ZYG11B: variants seen among roughly 807,000 people sequenced by gnomAD.
ZYG11B encodes the protein zyg-11 family member B, cell cycle regulator, also known as protein zyg-11 homolog B.
Under a neutral mutation model 82.4 loss-of-function variants are expected in ZYG11B, and 36 were observed. The observed-to-expected ratio is 0.44, with a 90% confidence interval of 0.33 to 0.58. The LOEUF is 0.58. Among genes scored for constraint, ZYG11B ranks in the 20% least tolerant of loss-of-function variants. ZYG11B has a pLI of 0.02. For missense variants in ZYG11B, 552 were observed against 895.6 expected, an observed-to-expected ratio of 0.62 and a Z score of 4.90; for synonymous variants, 303 against 312.8, an observed-to-expected ratio of 0.97 and a Z score of 0.33.
rs371586578 is a variant in ZYG11B, at chr1:52,779,990, A to T, written c.1089A>T (p.Leu363Phe). ...HVMEKTKPEI[L>F]KLVVTGMRNH... ...TGGAAAAAACAAAGCCAGAAATTTTAAAGGTAAGAATAAGAAACTGGATAT... is the reference window on the plus strand; with the variant it reads ...TGGAAAAAACAAAGCCAGAAATTTTTAAGGTAAGAATAAGAAACTGGATAT... The change falls in exon 4 of 14, where the codon TTA (leucine) becomes TTT (phenylalanine). Residue 363 changes from leucine (L) to phenylalanine (F), a missense_variant. Physicochemically the swap from Leu to Phe is conservative, Grantham distance 22. This residue lies in a region of ZYG11B where 359 missense variants were observed against 555.8 expected (regional missense o/e 0.65). Transcript: ENST00000294353. The T allele has an allele frequency of 8.7e-6, 14 of 1,613,200 alleles. No individual in the cohort carries two copies. The highest frequency in any genetic ancestry group is 1.3e-5 in the African/African-American group (1 of 74,858).
At position 52,784,988 on chromosome 1, in the gene ZYG11B, C is replaced by T. The variant is rs1251247285; in HGVS notation, c.1204C>T (p.Arg402Ter). 6 of 1,613,968 alleles carry T rather than the reference C, an allele frequency of 3.7e-6. No individual in the cohort carries two copies. Among genetic ancestry groups the T allele is most frequent in the Non-Finnish European group, 5.1e-6 (6 of 1,179,994 alleles). Reference protein sequence around the residue: ...KQDLAAGMPVRLLADVTHLLL... With the variant: ...KQDLAAGMPV ...GGATCTTGCTGCAGGGATGCCTGTC[C>T]GACTCCTGGCTGATGTGACCCATTT... Residue 402 changes from arginine to a stop codon, truncating the protein, a stop_gained, in exon 5 of 14, where the codon CGA becomes TGA. Coordinates refer to ENST00000294353, the MANE Select transcript of ZYG11B (RefSeq NM_024646.3). LOFTEE classifies it high-confidence loss of function.
rs61740533 is a variant in ZYG11B at position 52,779,979 on chromosome 1, C to T, written c.1078C>T (p.Pro360Ser). Residue 360 changes from proline to serine, a missense_variant, in exon 4 of 14, where the codon CCA (proline) becomes TCA (serine). Physicochemically the swap from Pro to Ser is moderately conservative, Grantham distance 74. Transcript: ENST00000294353. ...GACTCATGTGATGGAAAAAACAAAG[C>T]CAGAAATTTTAAAGGTAAGAATAAG... Reference protein sequence around the residue: ...SLTHVMEKTKPEILKLVVTGM... With the variant: ...SLTHVMEKTKSEILKLVVTGM... 6.2e-7 allele frequency: 1 copy of T among 1,612,960 alleles called. No individual in the cohort carries two copies.
intron 3 of ZYG11B, among the ~76,000 whole-genome samples, chr1:52,777,638 T>TA (rs1644821039): frequency 1.3e-5 from 2 of 152,216 alleles, no homozygotes; most frequent in Admixed American, 6.5e-5. Context: ...GACAGGGTCT[T>TA]ACTATGTTCC....
At position 52,821,741 on chromosome 1, in the gene ZYG11B, A is replaced by C; in HGVS notation, c.*112A>C. 9.5e-7 allele frequency: 1 copy of C among 1,048,146 alleles called. No individual in the cohort carries two copies. Among genetic ancestry groups the C allele is most frequent in the Admixed American group, 2.8e-5 (1 of 36,092 alleles). The allele number at this position is 1,048,146 out of a possible 1,614,324, so 64.9% of individuals were successfully genotyped here. On this transcript the variant is annotated 3_prime_UTR_variant, in exon 14 of 14. Transcript: ENST00000294353. The stretch of plus-strand genomic sequence containing the variant: ...GGGTTTCTATGACAAGAGTCATAAA[A>C]TCAGTTTGGGATTGATAATGTGTAG...
At chr1:52,797,787 G>A (rs1645039411) in intron 8 of ZYG11B, among the ~76,000 whole-genome samples, 2 of 151,360 alleles carry the variant, frequency 1.3e-5, no homozygotes, top group Non-Finnish European at 2.9e-5. Flanking sequence ...GGGATTACAG[G>A]CGTGAGCCAC....
chr1:52,773,405 C>T (rs957540240), intron 3 of ZYG11B, among the ~76,000 whole-genome samples: 3 of 147,134 alleles, frequency 2.0e-5, no homozygotes, highest in Admixed American at 1.4e-4. Context: ...ATCCAGGAGG[C>T]GGAAGTTGCA....
At chr1:52,773,791 C>T (rs1362091667) in intron 3 of ZYG11B, among the ~76,000 whole-genome samples, 2 of 150,458 alleles carry the variant, frequency 1.3e-5, no homozygotes, top group South Asian at 2.1e-4. Flanking sequence ...TATAGGCACA[C>T]ACCACCATGC....
chr1:52,785,478 A>G (rs1407641688), intron 5 of ZYG11B, among the ~76,000 whole-genome samples: 1 of 152,096 alleles, frequency 6.6e-6, no homozygotes, highest in Non-Finnish European at 1.5e-5. Context: ...TTGTTTTTTA[A>G]ACAGAGTCTT....
In ZYG11B at chr1:52,781,135, AAAC is replaced by A. The variant is rs747903078; in HGVS notation, c.1092+1161_1092+1163del. On this transcript the variant is annotated intron_variant, in intron 4 of 13. Coordinates refer to ENST00000294353, the MANE Select transcript of ZYG11B (RefSeq NM_024646.3). ...TGAGCAACAGAGCAAGACTCTCTCA[AAAC>A]AACAACAACAACAACAACCAAAGTT... Among the ~76,000 whole-genome samples the A allele has an allele frequency of 2.3e-3, 346 of 152,110 alleles. 4 individuals carry two copies. The highest frequency in any genetic ancestry group is 2.4e-3 in the African/African-American group (99 of 41,518).
At chr1:52,736,175 T>G (rs755298067) in intron 1 of ZYG11B, among the ~76,000 whole-genome samples, 14 of 152,192 alleles carry the variant, frequency 9.2e-5, no homozygotes, top group Non-Finnish European at 1.5e-4. Flanking sequence ...TAACAGCCAT[T>G]CATATAGACA....
At chr1:52,730,184 A>G (rs1039932761) in intron 1 of ZYG11B, among the ~76,000 whole-genome samples, 3 of 152,180 alleles carry the variant, frequency 2.0e-5, no homozygotes, top group African/African-American at 7.2e-5. Flanking sequence ...GGTCTAAGAC[A>G]TAGTCCTTAC....
At chr1:52,803,185 T>TAC (rs1414547981) in intron 10 of ZYG11B, among the ~76,000 whole-genome samples, 3 of 76,438 alleles carry the variant, frequency 3.9e-5, no homozygotes, top group African/African-American at 1.3e-4. Context: ...TATATATATA[T>TAC]ATACACATAT....
intron 2 of ZYG11B, among the ~76,000 whole-genome samples, chr1:52,760,698 GC>G (rs977963922): frequency 7.1e-6 from 1 of 141,404 alleles, no homozygotes; most frequent in African/African-American, 2.6e-5. Flanking sequence ...CCTCAAGTTA[GC>G]CTCCTGCCTC....
At chr1:52,751,369 C>T (rs560509406) in intron 1 of ZYG11B, among the ~76,000 whole-genome samples, 36 of 150,492 alleles carry the variant, frequency 2.4e-4, no homozygotes, top group African/African-American at 7.8e-4. Context: ...GTGGCTCACA[C>T]CTGTAATCCC....
In ZYG11B at chr1:52,771,813, A is replaced by G. The variant is rs1461557179; in HGVS notation, c.951+39A>G. 1 of 1,568,078 alleles carries G rather than the reference A, an allele frequency of 6.4e-7. No individual in the cohort carries two copies. Among genetic ancestry groups the G allele is most frequent in the Non-Finnish European group, 8.6e-7 (1 of 1,158,836 alleles). ...AATGTATTATTTTGTCAGGCTGACC[A>G]ATATCTTAGTTGCATAAGACTCTAT... is the stretch of plus-strand genomic sequence containing the variant. On this transcript the variant is annotated intron_variant, in intron 3 of 13. Coordinates refer to ENST00000294353, the MANE Select transcript of ZYG11B (RefSeq NM_024646.3). This position sits in a 1 kb window ranked among gnomAD's most constrained non-coding sequence, Gnocchi z 5.4.
chr1:52,727,440 A>G (rs11205996), intron 1 of ZYG11B, among the ~76,000 whole-genome samples: 2,821 of 152,342 alleles, frequency 0.019, 76 homozygotes, highest in African/African-American at 0.064. Context: ...GCCAGCATGC[A>G]TACTGTGACC....
intron 2 of ZYG11B, among the ~76,000 whole-genome samples, chr1:52,769,083 C>A (rs1330945273): frequency 6.6e-6 from 1 of 151,936 alleles, no homozygotes; most frequent in Non-Finnish European, 1.5e-5. Context: ...CTGTTTGTGT[C>A]TTTTTTACTC....
intron 1 of ZYG11B, among the ~76,000 whole-genome samples, chr1:52,743,411 A>C (rs1486962223): frequency 6.6e-6 from 1 of 150,886 alleles, no homozygotes; most frequent in Non-Finnish European, 1.5e-5. Context: ...CTAAAAAAAA[A>C]AAAAAAAAAA....
intron 1 of ZYG11B, among the ~76,000 whole-genome samples, chr1:52,731,761 T>C (rs1644334331): frequency 1.3e-5 from 2 of 152,160 alleles, no homozygotes; most frequent in South Asian, 4.1e-4. Context: ...AGAGGGCAAC[T>C]ATTTTAGATG....
Sources: gnomAD v4.1 joint callset for allele counts (sites outside exome capture counted in the v4.1 genomes callset) on GRCh38, gnomAD v4.1.1 for gene constraint, gnomAD v4.1.1 regional missense constraint, Gnocchi (gnomAD v3.1) non-coding constraint, MANE v1.5 for transcripts, NCBI Gene and HGNC (gene_info 2026-07-23, HGNC 2026-07-21) for gene names.